MINDY2: variants seen among roughly 807,000 people sequenced by gnomAD.
MINDY2 encodes the protein ubiquitin carboxyl-terminal hydrolase MINDY-2.
MINDY2 carries 52 observed loss-of-function variants against 68.2 expected under a neutral mutation model. The ratio of observed to expected loss-of-function variants is 0.76; its 90% CI spans 0.61 to 0.96. The LOEUF is 0.96. MINDY2 is among the 40% of genes least tolerant of loss of function. MINDY2 has a pLI of 0.00. For synonymous variants in MINDY2, 372 were observed against 303.0 expected, an observed-to-expected ratio of 1.23 and a Z score of -2.36; for missense variants, 881 against 773.4, an observed-to-expected ratio of 1.14 and a Z score of -1.65.
chr15:58,837,554 A>G (rs895332609), intron 6 of MINDY2, among the ~76,000 whole-genome samples: 8 of 151,292 alleles, frequency 5.3e-5, no homozygotes, highest in Non-Finnish European at 1.2e-4. Context: ...AAAAAAAAAA[A>G]GGAAACCTTT....
intron 6 of MINDY2, among the ~76,000 whole-genome samples, chr15:58,846,834 A>G (rs2032562366): frequency 6.6e-6 from 1 of 152,114 alleles, no homozygotes; most frequent in South Asian, 2.1e-4. Flanking sequence ...GGTACAAAGT[A>G]TTATTGGTGT....
intron 6 of MINDY2, among the ~76,000 whole-genome samples, chr15:58,841,725 A>G (rs2032298733): frequency 6.6e-6 from 1 of 152,190 alleles, no homozygotes; most frequent in Admixed American, 6.5e-5. Context: ...TTTCAACAGC[A>G]TAACTAGATT....
At chr15:58,818,085 A>G (rs547646937) in intron 4 of MINDY2, among the ~76,000 whole-genome samples, 147 of 152,332 alleles carry the variant, frequency 9.6e-4, no homozygotes, top group African/African-American at 3.2e-3. Context: ...ATACCACTAT[A>G]TACAACAACC....
At chr15:58,798,474 A>G (rs538196661) in intron 2 of MINDY2, among the ~76,000 whole-genome samples, 19 of 112,472 alleles carry the variant, frequency 1.7e-4, no homozygotes, top group South Asian at 1.1e-3. Flanking sequence ...TTTTTTTTTG[A>G]GACAGAGTTT....
Position 58,814,186 on chromosome 15 carries a change from C to G in MINDY2, c.1122+3798C>G, listed in dbSNP as rs140493823. 2.4e-3 allele frequency among the ~76,000 whole-genome samples: 359 copies of G among 152,226 alleles called. 3 individuals carry two copies. Among genetic ancestry groups the G allele is most frequent in the African/African-American group, 8.1e-3 (335 of 41,544 alleles). ...AACTCCTGACTTCAGGTGATCCACC[C>G]GCTTCGGCCTCCCAGAGTGCTGCGA... On this transcript the variant is annotated intron_variant, in intron 4 of 8. Transcript: ENST00000559228.
At chr15:58,827,615 C>T (rs1442265010) in intron 5 of MINDY2, among the ~76,000 whole-genome samples, 9 of 152,118 alleles carry the variant, frequency 5.9e-5, no homozygotes, top group Non-Finnish European at 1.2e-4. Flanking sequence ...AGGCGCCCGC[C>T]ACCACGGCCG....
intron 2 of MINDY2, among the ~76,000 whole-genome samples, chr15:58,797,611 G>C (rs1391210160): frequency 6.6e-6 from 1 of 152,194 alleles, no homozygotes; most frequent in Non-Finnish European, 1.5e-5. Context: ...TTCGTGGCTT[G>C]CATTATATTT....
In MINDY2 at chr15:58,771,738, G is replaced by C; in HGVS notation, c.343G>C (p.Ala115Pro). 6.2e-7 allele frequency: 1 copy of C among 1,611,886 alleles called. No homozygotes were observed. The highest frequency in any genetic ancestry group is 8.5e-7 in the Non-Finnish European group (1 of 1,179,630). Reference protein sequence around the residue: ...QYKVTASPETAVAGVGHELGT... With the variant: ...QYKVTASPETPVAGVGHELGT... ...CAAGGTGACCGCCTCCCCGGAGACA[G>C]CCGTGGCCGGAGTGGGTCATGAGTT... is the stretch of plus-strand genomic sequence containing the variant. The change falls in exon 1 of 9, where the codon GCC becomes CCC. Residue 115 changes from alanine (A) to proline (P), a missense_variant. Transcript: ENST00000559228.
Position 58,772,223 on chromosome 15 carries a change from C to A in MINDY2, c.828C>A (p.Leu276=), listed in dbSNP as rs200544208. 2,110 of 1,611,464 alleles carry A rather than the reference C, an allele frequency of 1.3e-3. No individual in the cohort carries two copies. The highest frequency in any genetic ancestry group is 1.7e-3 in the Non-Finnish European group (2,018 of 1,180,010). Residue 276 remains leucine, a synonymous_variant, in exon 1 of 9, where the codon CTC becomes CTA. Coordinates refer to ENST00000559228, the MANE Select transcript of MINDY2 (RefSeq NM_001040450.3). The stretch of plus-strand genomic sequence containing the variant: ...TGCTGGCCATCCTCAATGTTTTGCT[C>A]CTGGCCTGGAAGGTACATTCTGCAG... ...CPLLAILNVL[L]LAWKVKLPPM...
At chr15:58,788,872 C>T (rs1193720867) in intron 2 of MINDY2, among the ~76,000 whole-genome samples, 2 of 152,056 alleles carry the variant, frequency 1.3e-5, no homozygotes, top group Non-Finnish European at 2.9e-5. Context: ...ATTAGCCAGG[C>T]GTGGTGTCAT....
chr15:58,850,327 A>G (rs2032752964), intron 7 of MINDY2, among the ~76,000 whole-genome samples: 1 of 152,158 alleles, frequency 6.6e-6, no homozygotes, highest in Admixed American at 6.5e-5. Context: ...ATCTTGGGAA[A>G]TTCTTATTTT....
At position 58,855,021 on chromosome 15, in the gene MINDY2, G is replaced by T. The variant is rs2033013452; in HGVS notation, c.*411G>T. On this transcript the variant is annotated 3_prime_UTR_variant, in exon 9 of 9. Transcript: ENST00000559228. ...TCTAAATATTAGCACAATAGTTTCT[G>T]AAATTTTACAATGTTAAATTATGAT... 1 of 153,558 alleles carries T rather than the reference G, an allele frequency of 6.5e-6. No individual in the cohort carries two copies. Among genetic ancestry groups the T allele is most frequent in the Admixed American group, 6.5e-5 (1 of 15,480 alleles). The allele number at this position is 153,558 out of a possible 1,614,324, so 9.5% of individuals were successfully genotyped here. A position where few individuals can be genotyped will look rare whatever the true frequency, so the allele number is the denominator to read the frequency against.
chr15:58,854,627 T>C lies in MINDY2; in HGVS notation c.*17T>C. The C allele has an allele frequency of 6.3e-7, 1 of 1,599,850 alleles. No individual in the cohort carries two copies. Among genetic ancestry groups the C allele is most frequent in the Non-Finnish European group, 8.5e-7 (1 of 1,178,268 alleles). ...ATTTTGTAACAAGTGTTGGCTTCTG[T>C]TGGAACCACCTATATGTCTTGAGAA... On this transcript the variant is annotated 3_prime_UTR_variant, in exon 9 of 9. Transcript: ENST00000559228.
chr15:58,816,504 C>A (rs1218909250), intron 4 of MINDY2, among the ~76,000 whole-genome samples: 1 of 151,994 alleles, frequency 6.6e-6, no homozygotes, highest in East Asian at 1.9e-4. Flanking sequence ...TCAGATGGCT[C>A]AAGGAATCCT....
In MINDY2 at chr15:58,855,752, C is replaced by G. The variant is rs1167519643; in HGVS notation, c.*1142C>G. 1 of 152,226 alleles carries G rather than the reference C, an allele frequency of 6.6e-6. No homozygotes were observed. Among genetic ancestry groups the G allele is most frequent in the Non-Finnish European group, 1.5e-5 (1 of 68,050 alleles). 9.4% of individuals were successfully genotyped at this position (152,226 alleles called of 1,614,324 possible). A position where few individuals can be genotyped will look rare whatever the true frequency, so the allele number is the denominator to read the frequency against. ...CCTGGCCAGCATGGTGAAACCCTGT[C>G]TCTACTAAAAATACAAAAAATCAGC... On this transcript the variant is annotated 3_prime_UTR_variant, in exon 9 of 9. Transcript: ENST00000559228.
At chr15:58,789,324 C>G (rs191849262) in intron 2 of MINDY2, among the ~76,000 whole-genome samples, 1 of 151,894 alleles carries the variant, frequency 6.6e-6, no homozygotes, top group African/African-American at 2.4e-5. Context: ...GGCAACAGAG[C>G]GAGACTCCGT....
chr15:58,832,949 T>G (rs1264253395), intron 6 of MINDY2, among the ~76,000 whole-genome samples: 1 of 152,258 alleles, frequency 6.6e-6, no homozygotes. Flanking sequence ...TTATTAAACT[T>G]TAATGACTTT....
intron 2 of MINDY2, among the ~76,000 whole-genome samples, 193 bp from the exon 3 acceptor site, chr15:58,802,120 T>C (rs1359002505): frequency 6.6e-6 from 1 of 152,158 alleles, no homozygotes; most frequent in African/African-American, 2.4e-5. Flanking sequence ...CACTATAGTA[T>C]ATACATTGAA....
intron 6 of MINDY2, among the ~76,000 whole-genome samples, chr15:58,844,910 G>C (rs1326710679): frequency 1.0e-5 from 1 of 96,692 alleles, no homozygotes; most frequent in Non-Finnish European, 1.9e-5. Context: ...GTGAGACTGA[G>C]ACCCTGCCTA....
Sources: allele counts gnomAD v4.1 joint callset (sites outside exome capture counted in the v4.1 genomes callset), GRCh38; gene constraint gnomAD v4.1.1; transcripts MANE v1.5; gene names NCBI Gene and HGNC (gene_info 2026-07-23, HGNC 2026-07-21).